The following AMN1 variants were observed in gnomAD, a reference collection of about 807,000 sequenced individuals.
The protein encoded by AMN1 is antagonist of mitotic exit network 1 homolog, also known as protein AMN1 homolog.
Under a neutral mutation model 33.0 loss-of-function variants are expected in AMN1, and 20 were observed. The ratio of observed to expected loss-of-function variants is 0.61; its 90% CI spans 0.43 to 0.88. AMN1 has a LOEUF of 0.88. AMN1 is among the 40% of genes least tolerant of loss of function. AMN1 has a pLI of 0.00. For synonymous variants in AMN1, 114 were observed against 111.9 expected (o/e 1.02, Z -0.12); for missense variants, 246 against 307.4 (o/e 0.80, Z 1.49).
At chr12:31,673,797 T>C (rs1361209241) in intron 6 of AMN1, among the ~76,000 whole-genome samples, 5 of 152,228 alleles carry the variant, frequency 3.3e-5, no homozygotes, top group Non-Finnish European at 5.9e-5. Flanking sequence ...AGATTTATCA[T>C]AGGAATGCAA....
chr12:31,710,320 GAAAC>G (rs1939416815), intron 1 of AMN1, among the ~76,000 whole-genome samples: 1 of 152,040 alleles, frequency 6.6e-6, no homozygotes, highest in Non-Finnish European at 1.5e-5. Flanking sequence ...ATACTTTAAA[GAAAC>G]AAATACAAAT....
chr12:31,671,794 A>G lies in AMN1; in HGVS notation c.*510T>C, dbSNP rs1027942417. The G allele has an allele frequency of 6.6e-6, 1 of 152,556 alleles. No homozygotes were observed. The highest frequency in any genetic ancestry group is 6.5e-5 in the Admixed American group (1 of 15,324). The allele number at this position is 152,556 out of a possible 1,614,324, so 9.5% of individuals were successfully genotyped here. ...TGAAACAAATACCTAAATTCTTTGA[A>G]GAATTAACAGGCTTGATGTTCAGGT... is the stretch of plus-strand genomic sequence containing the variant. On this transcript the variant is annotated 3_prime_UTR_variant, in exon 7 of 7. Coordinates refer to ENST00000281471, the MANE Select transcript of AMN1 (RefSeq NM_001113402.2).
chr12:31,725,691 G>A (rs982513968), intron 1 of AMN1, among the ~76,000 whole-genome samples: 6 of 151,936 alleles, frequency 3.9e-5, no homozygotes, highest in Non-Finnish European at 7.4e-5. Context: ...TTTTATTTGT[G>A]TATTTATGTA....
At chr12:31,672,609 A>T in intron 6 of AMN1, 1 of 371,344 alleles carries the variant, frequency 2.7e-6, no homozygotes. Flanking sequence ...AAAAAAAAAC[A>T]GGCATTTGTT....
Position 31,687,877 on chromosome 12 carries a change from C to T in AMN1, c.703+1130G>A, listed in dbSNP as rs974275343. Among the ~76,000 whole-genome samples, 6 of 152,118 alleles carry T rather than the reference C, an allele frequency of 3.9e-5. No individual in the cohort carries two copies. Among genetic ancestry groups the T allele is most frequent in the Non-Finnish European group, 5.9e-5 (4 of 68,032 alleles). ...GAGGATATATACCATGGCTCTTATA[C>T]AGGCAAAATGGGCTACTGCTGTTTT... On this transcript the variant is annotated intron_variant, in intron 6 of 6. Coordinates refer to ENST00000281471, the MANE Select transcript of AMN1 (RefSeq NM_001113402.2). The surrounding 1 kb of genome is among the most constrained non-coding windows in gnomAD (Gnocchi z 4.1).
chr12:31,695,821 AT>A (rs1324635532), intron 5 of AMN1, among the ~76,000 whole-genome samples: 3 of 152,172 alleles, frequency 2.0e-5, no homozygotes, highest in Admixed American at 6.6e-5. Context: ...TATTTAAAAA[AT>A]ATATATGCTA....
At position 31,692,114 on chromosome 12, in the gene AMN1, T is replaced by C. The variant is rs1041453618; in HGVS notation, c.592-2996A>G. 2.0e-5 allele frequency among the ~76,000 whole-genome samples: 3 copies of C among 151,310 alleles called. No individual in the cohort carries two copies. In the East Asian group the frequency reaches 5.9e-4, roughly 30 times the overall value. On this transcript the variant is annotated intron_variant, in intron 5 of 6. Transcript: ENST00000281471. Reference sequence around the variant, plus strand: ...GCTGGCCTCAAACTCTGACCTCAAGTGATCCACCCGCCTCAGCCTCTCAAA... The same window carrying C: ...GCTGGCCTCAAACTCTGACCTCAAGCGATCCACCCGCCTCAGCCTCTCAAA...
chr12:31,675,982 A>G (rs1283038972), intron 6 of AMN1, among the ~76,000 whole-genome samples: 2 of 151,942 alleles, frequency 1.3e-5, no homozygotes, highest in African/African-American at 2.4e-5. Context: ...CACTAAAAAA[A>G]TAGAATAAAT....
intron 4 of AMN1, 99 bp downstream of exon 4, chr12:31,697,641 C>T (rs1227481051): frequency 7.4e-7 from 1 of 1,350,810 alleles, no homozygotes; most frequent in Non-Finnish European, 1.0e-6. Context: ...ATAGTTTCAA[C>T]AAAAACAAAA....
intron 1 of AMN1, among the ~76,000 whole-genome samples, chr12:31,722,436 C>T (rs112783684): frequency 0.021 from 3,215 of 152,172 alleles, 48 homozygotes; most frequent in Middle Eastern, 0.048. Context: ...AGAAGTAAAA[C>T]GGACTTTTAA....
intron 2 of AMN1, among the ~76,000 whole-genome samples, chr12:31,705,672 C>T (rs1939205101): frequency 6.6e-6 from 1 of 152,136 alleles, no homozygotes; most frequent in African/African-American, 2.4e-5. Context: ...AGCAAATAAG[C>T]TACAGGTCTG....
chr12:31,727,504 C>A (rs775721242), intron 1 of AMN1, among the ~76,000 whole-genome samples: 1 of 152,104 alleles, frequency 6.6e-6, no homozygotes, highest in African/African-American at 2.4e-5. Context: ...CACATTGGAG[C>A]GCTACTTTCT....
chr12:31,713,822 T>G (rs1939563738), intron 1 of AMN1, among the ~76,000 whole-genome samples: 1 of 151,986 alleles, frequency 6.6e-6, no homozygotes, highest in Non-Finnish European at 1.5e-5. Context: ...CACTCCAGCC[T>G]GGGTGAGAGA....
intron 1 of AMN1, among the ~76,000 whole-genome samples, chr12:31,725,743 T>G (rs1940036700): frequency 1.3e-5 from 2 of 152,246 alleles, no homozygotes; most frequent in South Asian, 4.1e-4. Flanking sequence ...TTGCCCAGGC[T>G]GGAGTGCAGT....
chr12:31,678,914 A>C (rs550014079), intron 6 of AMN1, among the ~76,000 whole-genome samples: 36 of 152,314 alleles, frequency 2.4e-4, no homozygotes, highest in Admixed American at 8.5e-4. Flanking sequence ...ACAGAATAAT[A>C]CAGGATTAAG....
chr12:31,720,454 C>T (rs1182912650), intron 1 of AMN1, among the ~76,000 whole-genome samples: 1 of 151,840 alleles, frequency 6.6e-6, no homozygotes, highest in East Asian at 1.9e-4. Flanking sequence ...GCAGGAAAAT[C>T]GCTTGAACCA....
chr12:31,682,855 A>T (rs1359500307), intron 6 of AMN1, among the ~76,000 whole-genome samples: 1 of 152,110 alleles, frequency 6.6e-6, no homozygotes, highest in Non-Finnish European at 1.5e-5. Flanking sequence ...CAGATCAAAA[A>T]TATTTTTATT....
chr12:31,696,649 G>T (rs1467823216), intron 5 of AMN1, among the ~76,000 whole-genome samples: 2 of 152,058 alleles, frequency 1.3e-5, no homozygotes, highest in Non-Finnish European at 2.9e-5. Context: ...TTTTTAGGCC[G>T]GGTGCAGTGG....
chr12:31,708,965 C>G (rs1939358344), intron 2 of AMN1: 1 of 402,054 alleles, frequency 2.5e-6, no homozygotes, highest in Non-Finnish European at 5.0e-6. Flanking sequence ...ATCACTTGAG[C>G]TCCGGAGTTC....
Sources: allele counts gnomAD v4.1 joint callset (sites outside exome capture counted in the v4.1 genomes callset), GRCh38; gene constraint gnomAD v4.1.1; non-coding constraint Gnocchi (gnomAD v3.1); transcripts MANE v1.5; gene names NCBI Gene and HGNC (gene_info 2026-07-23, HGNC 2026-07-21).